Variants in SNTB2 observed in about 807,000 individuals in gnomAD.
The protein encoded by SNTB2 is beta-2-syntrophin.
In SNTB2, 34 loss-of-function variants were observed where a neutral mutation model predicts 46.2. That is an observed-to-expected ratio of 0.74 (90% CI 0.56 to 0.98). The LOEUF is 0.98. Ranked by LOEUF, SNTB2 falls within the 50% of genes least tolerant of loss-of-function variation. The pLI, the probability that SNTB2 is intolerant of heterozygous loss-of-function variation, is 0.00. For synonymous variants in SNTB2, 290 were observed against 312.6 expected (o/e 0.93, Z 0.76); for missense variants, 603 against 731.4 (o/e 0.82, Z 2.02).
At chr16:69,287,698 A>G (rs1965117870) in intron 5 of SNTB2, among the ~76,000 whole-genome samples, 1 of 152,036 alleles carries the variant, frequency 6.6e-6, no homozygotes, top group African/African-American at 2.4e-5. Flanking sequence ...GTCTTTACTA[A>G]AAATACAAAA....
At chr16:69,217,873 GAAA>G (rs1964363482) in intron 1 of SNTB2, among the ~76,000 whole-genome samples, 1 of 152,030 alleles carries the variant, frequency 6.6e-6, no homozygotes, top group African/African-American at 2.4e-5. Context: ...AGAGCTGCCT[GAAA>G]AAAAATTTTT....
At chr16:69,192,811 T>C (rs762635660) in intron 1 of SNTB2, among the ~76,000 whole-genome samples, 14 of 152,232 alleles carry the variant, frequency 9.2e-5, no homozygotes, top group Admixed American at 8.5e-4. Context: ...CTAGTGATTA[T>C]GGTGTCATAG....
intron 5 of SNTB2, among the ~76,000 whole-genome samples, chr16:69,298,937 A>G (rs1965253112): frequency 6.6e-6 from 1 of 152,078 alleles, no homozygotes; most frequent in South Asian, 2.1e-4. Context: ...TCTGCCTTAC[A>G]CAATTGGGGA....
rs143099113 is a variant in SNTB2 at position 69,245,663 on chromosome 16, G to A, written c.642G>A (p.Pro214=). ...AGCCATCATTAGTATCAGATCTGCC[G>A]TGGGAAGGTGCAGCCCCCCAGTCAC... The part of the protein sequence containing the change: ...IKKPSLVSDL[P]WEGAAPQSPS... Residue 214 remains proline (P), a synonymous_variant, in exon 2 of 7, where the codon CCG becomes CCA. Transcript: ENST00000336278. 2.2e-5 allele frequency: 36 copies of A among 1,613,936 alleles called. No individual in the cohort carries two copies. Among genetic ancestry groups the A allele is most frequent in the East Asian group, 6.7e-5 (3 of 44,898 alleles).
chr16:69,241,889 A>G (rs1162309241), intron 1 of SNTB2: 13 of 144,100 alleles, frequency 9.0e-5, no homozygotes, highest in Admixed American at 8.7e-4. Context: ...AGATCATGCC[A>G]CTGCACTTCA....
intron 1 of SNTB2, among the ~76,000 whole-genome samples, chr16:69,228,396 C>CT (rs1964477831): frequency 6.7e-6 from 1 of 149,086 alleles, no homozygotes; most frequent in South Asian, 2.1e-4. Context: ...ATCCCAGCTA[C>CT]TTGGGAGGTT....
At chr16:69,232,150 G>C (rs910962818) in intron 1 of SNTB2, among the ~76,000 whole-genome samples, 1 of 150,940 alleles carries the variant, frequency 6.6e-6, no homozygotes, top group African/African-American at 2.5e-5. Flanking sequence ...AAATACTGGG[G>C]CTTTTTTTTG....
chr16:69,256,058 C>A (rs1390620061), intron 2 of SNTB2, among the ~76,000 whole-genome samples: 2 of 150,410 alleles, frequency 1.3e-5, no homozygotes, highest in East Asian at 4.0e-4. Flanking sequence ...TGGTGGCCGG[C>A]GCCTGTAGTC....
At chr16:69,272,033 T>C (rs1004924864) in intron 4 of SNTB2, among the ~76,000 whole-genome samples, 1 of 152,172 alleles carries the variant, frequency 6.6e-6, no homozygotes, top group African/African-American at 2.4e-5. Flanking sequence ...GAATAAAATA[T>C]AGTAGATCTT....
chr16:69,290,404 A>G (rs2143176755), intron 5 of SNTB2, among the ~76,000 whole-genome samples: 1 of 152,314 alleles, frequency 6.6e-6, no homozygotes, highest in South Asian at 2.1e-4. Flanking sequence ...TGTAGTTTTG[A>G]TGATATGAAG....
chr16:69,282,163 C>T (rs1333473605), intron 4 of SNTB2, among the ~76,000 whole-genome samples: 6 of 149,638 alleles, frequency 4.0e-5, no homozygotes, highest in African/African-American at 1.5e-4. Context: ...CCTTGGCCTC[C>T]CAAAGTGCTG....
intron 1 of SNTB2, among the ~76,000 whole-genome samples, chr16:69,235,388 G>A (rs1476735840): frequency 1.3e-5 from 2 of 152,170 alleles, no homozygotes; most frequent in African/African-American, 4.8e-5. Flanking sequence ...AACCCCTATA[G>A]TGTGTATCCA....
Position 69,233,267 on chromosome 16 carries a change from C to G in SNTB2, c.581-12335C>G, listed in dbSNP as rs1597181261. ...TGCTGGTACATCAAGAACTCAAATTCAATTTGTGTGAGATATGAGGTTCTG... is the reference window on the plus strand; with the variant it reads ...TGCTGGTACATCAAGAACTCAAATTGAATTTGTGTGAGATATGAGGTTCTG... On this transcript the variant is annotated intron_variant, in intron 1 of 6. Coordinates refer to ENST00000336278, the MANE Select transcript of SNTB2 (RefSeq NM_006750.4). Among the ~76,000 whole-genome samples, 3 of 152,252 alleles carry G rather than the reference C, an allele frequency of 2.0e-5. No individual in the cohort carries two copies. In the South Asian group the frequency reaches 6.2e-4, roughly 32 times the overall value.
At chr16:69,280,843 G>C (rs532354291) in intron 4 of SNTB2, among the ~76,000 whole-genome samples, 167 of 150,820 alleles carry the variant, frequency 1.1e-3, no homozygotes, top group Non-Finnish European at 2.0e-3. Flanking sequence ...TGTTGCCCAG[G>C]CTGCAGTGCA....
chr16:69,188,733 C>T (rs1964019585), intron 1 of SNTB2, among the ~76,000 whole-genome samples: 1 of 152,174 alleles, frequency 6.6e-6, no homozygotes, highest in South Asian at 2.1e-4. Flanking sequence ...AAAGAAGATG[C>T]TGTCCCTACT....
intron 5 of SNTB2, among the ~76,000 whole-genome samples, chr16:69,296,446 C>T (rs1452325689): frequency 1.3e-5 from 2 of 149,378 alleles, no homozygotes; most frequent in Admixed American, 6.7e-5. Context: ...TCAGGCCGGT[C>T]GCGGTGGCTC....
chr16:69,257,228 C>A (rs745784782), intron 2 of SNTB2, among the ~76,000 whole-genome samples: 1 of 151,452 alleles, frequency 6.6e-6, no homozygotes, highest in African/African-American at 2.4e-5. Flanking sequence ...ATTCAAGATC[C>A]TCTAAATTCT....
intron 4 of SNTB2, 107 bp from the exon 5 acceptor site, chr16:69,283,941 A>T: frequency 9.6e-7 from 1 of 1,044,898 alleles, no homozygotes. Flanking sequence ...TATATCCAAA[A>T]ACTGCTGATT....
At chr16:69,233,818 A>G (rs1409604294) in intron 1 of SNTB2, among the ~76,000 whole-genome samples, 1 of 151,966 alleles carries the variant, frequency 6.6e-6, no homozygotes, top group Non-Finnish European at 1.5e-5. Flanking sequence ...TCTGCAAAAA[A>G]CAAAAAAAAC....
Sources: gnomAD v4.1 joint callset for allele counts (sites outside exome capture counted in the v4.1 genomes callset) on GRCh38, gnomAD v4.1.1 for gene constraint, MANE v1.5 for transcripts, NCBI Gene and HGNC (gene_info 2026-07-23, HGNC 2026-07-21) for gene names.